ESR1: variants seen among roughly 807,000 people sequenced by gnomAD.
ESR1 encodes the protein estrogen receptor.
In ESR1, 12 loss-of-function variants were observed where a neutral mutation model predicts 52.7. The observed-to-expected ratio is 0.23, with a 90% CI of 0.15 to 0.37. ESR1 has a LOEUF of 0.37. ESR1 is among the 10% of genes least tolerant of loss of function. ESR1 has a pLI of 1.00. For synonymous variants in ESR1, 305 were observed against 316.8 expected, an observed-to-expected ratio of 0.96 and a Z score of 0.39; for missense variants, 584 against 779.7, an observed-to-expected ratio of 0.75 and a Z score of 2.99.
chr6:151,984,262 T>A (rs762832721), intron 4 of ESR1: 6 of 152,186 alleles, frequency 3.9e-5, no homozygotes, highest in Non-Finnish European at 8.8e-5. Flanking sequence ...CAGGTGTTTC[T>A]ATTAAGGCTA....
Position 151,883,586 on chromosome 6 carries a change from C to T in ESR1, c.760+2815C>T, listed in dbSNP as rs137922819. Among the ~76,000 whole-genome samples the T allele has an allele frequency of 3.6e-4, 54 of 152,040 alleles. No homozygotes were observed. The East Asian group carries it at 9.7e-3, about 27-fold the overall frequency. ...TATGACCTCATTTAACCTTAGTTAC[C>T]GCCAAAAAGGCCCTATTTCCAAATA... On this transcript the variant is annotated intron_variant, in intron 3 of 7. Transcript: ENST00000206249.
rs546201257 is a variant in ESR1, at chr6:152,049,313, G to T, written c.1236-11678G>T. On this transcript the variant is annotated intron_variant, in intron 5 of 7. Transcript: ENST00000206249. ...GTATAAGAAAAGAGGACATGTTAAG[G>T]CTTGTTCTATTTATTAGAAAATATA... Among the ~76,000 whole-genome samples the T allele has an allele frequency of 6.6e-5, 10 of 152,272 alleles. No homozygotes were observed. The South Asian group carries it at 1.0e-3, about 16-fold the overall frequency.
intron 2 of ESR1, among the ~76,000 whole-genome samples, chr6:151,871,442 C>G (rs11964786): frequency 1.3e-5 from 2 of 151,856 alleles, no homozygotes; most frequent in East Asian, 3.9e-4. Flanking sequence ...TCACTCTAGT[C>G]GCCCAGGCTG....
chr6:151,969,564 C>T (rs2038681483), intron 4 of ESR1, among the ~76,000 whole-genome samples: 1 of 152,182 alleles, frequency 6.6e-6, no homozygotes, highest in Admixed American at 6.5e-5. Flanking sequence ...GGCATAACTT[C>T]TCCATTTGCA....
upstream of ESR1, among the ~76,000 whole-genome samples, chr6:151,801,753 G>A (rs1777267109): frequency 6.6e-6 from 1 of 152,268 alleles, no homozygotes; most frequent in South Asian, 2.1e-4. Context: ...TGACTAGAGT[G>A]TTAGGACAAT....
chr6:151,857,713 G>C (rs753658977), intron 2 of ESR1, among the ~76,000 whole-genome samples: 1 of 151,956 alleles, frequency 6.6e-6, no homozygotes, highest in Non-Finnish European at 1.5e-5. Flanking sequence ...AGTTTTAGTA[G>C]AGGCAGGGTT....
At chr6:152,063,352 C>T (rs2047698610) in intron 6 of ESR1, among the ~76,000 whole-genome samples, 1 of 152,162 alleles carries the variant, frequency 6.6e-6, no homozygotes, top group African/African-American at 2.4e-5. Context: ...CTATCAAGGA[C>T]AGTACTGCTG....
chr6:151,779,160 C>A (rs1786294144), intron 2 of ESR1, among the ~76,000 whole-genome samples: 1 of 152,140 alleles, frequency 6.6e-6, no homozygotes, highest in Admixed American at 6.5e-5. Flanking sequence ...GTCATGAAGT[C>A]TTTGCCTATG....
intron 6 of ESR1, among the ~76,000 whole-genome samples, chr6:152,092,364 C>T (rs767002549): frequency 2.0e-5 from 3 of 152,186 alleles, no homozygotes; most frequent in Non-Finnish European, 4.4e-5. Flanking sequence ...GTTATTGTTA[C>T]GTTAGTTTTA....
At chr6:151,724,137 G>C (rs1042190189) in intron 2 of ESR1, among the ~76,000 whole-genome samples, 2 of 152,066 alleles carry the variant, frequency 1.3e-5, no homozygotes, top group Non-Finnish European at 2.9e-5. Flanking sequence ...ATCTAGAAGC[G>C]ACAGATGCCT....
chr6:151,842,571 T>C, intron 1 of ESR1, 26 bp from the exon 2 acceptor site: 1 of 1,606,704 alleles, frequency 6.2e-7, no homozygotes, highest in Non-Finnish European at 8.5e-7. Context: ...CTAATGTTAA[T>C]GGATTTACTG....
chr6:152,074,395 C>T (rs961145382), intron 6 of ESR1, among the ~76,000 whole-genome samples: 3 of 152,106 alleles, frequency 2.0e-5, no homozygotes, highest in Non-Finnish European at 4.4e-5. Context: ...ATTTAAGGTT[C>T]TTCCATGTCT....
rs1020243338 is a variant in ESR1 at position 151,845,049 on chromosome 6, A to G, written c.643+2262A>G. On this transcript the variant is annotated intron_variant, in intron 2 of 7. Coordinates refer to ENST00000206249, the MANE Select transcript of ESR1 (RefSeq NM_000125.4). ...GGAAATGATCTTCCTCCGAGAAACA[A>G]TGGCAATATTCTCACAAATTTTTTA... Among the ~76,000 whole-genome samples, 4 of 152,288 alleles carry G rather than the reference A, an allele frequency of 2.6e-5. No individual in the cohort carries two copies. The South Asian group carries it at 6.2e-4, about 24-fold the overall frequency.
chr6:151,786,473 T>A (rs977042290), intron 2 of ESR1, among the ~76,000 whole-genome samples: 2 of 152,144 alleles, frequency 1.3e-5, no homozygotes, highest in Non-Finnish European at 2.9e-5. Context: ...GGACTTAATC[T>A]AGAGAGTCAT....
At chr6:151,678,527 G>A (rs961658293) in intron 1 of ESR1, among the ~76,000 whole-genome samples, 1 of 151,852 alleles carries the variant, frequency 6.6e-6, no homozygotes, top group African/African-American at 2.4e-5. Flanking sequence ...CGGAACATCT[G>A]TGGGTGTGGG....
At chr6:151,922,471 A>G (rs915443887) in intron 3 of ESR1, among the ~76,000 whole-genome samples, 5 of 152,126 alleles carry the variant, frequency 3.3e-5, no homozygotes, top group African/African-American at 1.2e-4. Context: ...TCTAGAACCC[A>G]TGAATATTTA....
upstream of ESR1, among the ~76,000 whole-genome samples, chr6:151,801,892 A>G (rs1299353210): frequency 1.3e-5 from 2 of 152,224 alleles, no homozygotes; most frequent in African/African-American, 2.4e-5. Context: ...GAAATGCGGT[A>G]CATGCACTTC....
intron 2 of ESR1, among the ~76,000 whole-genome samples, chr6:151,718,572 T>C (rs531084837): frequency 2.6e-5 from 4 of 152,210 alleles, no homozygotes; most frequent in Non-Finnish European, 5.9e-5. Context: ...TCCTTGACAA[T>C]GGGCTGAATG....
intron 6 of ESR1, among the ~76,000 whole-genome samples, chr6:152,071,085 T>A (rs2080753603): frequency 1.0e-5 from 1 of 95,432 alleles, no homozygotes; most frequent in Admixed American, 8.3e-5. Flanking sequence ...GTGTGGTTTA[T>A]GTGAGGCATA....
Sources: gnomAD v4.1 joint callset for allele counts (sites outside exome capture counted in the v4.1 genomes callset) on GRCh38, gnomAD v4.1.1 for gene constraint, MANE v1.5 for transcripts, NCBI Gene and HGNC (gene_info 2026-07-23, HGNC 2026-07-21) for gene names.